The following DLGAP2 variants were observed in gnomAD, a reference collection of about 807,000 sequenced individuals.
The protein encoded by DLGAP2 is disks large-associated protein 2.
A neutral mutation model predicts 100.3 loss-of-function variants in DLGAP2; 26 were observed. The ratio of observed to expected loss-of-function variants is 0.26; its 90% CI spans 0.19 to 0.36. The LOEUF is 0.36. DLGAP2 is among the 10% of genes least tolerant of loss of function. The pLI is 1.00. For synonymous variants in DLGAP2, 886 were observed against 630.1 expected (o/e 1.41, Z -6.08); for missense variants, 1,858 against 1,453.2 (o/e 1.28, Z -4.53).
At chr8:1,640,104 A>G (rs1295705359) in intron 8 of DLGAP2, among the ~76,000 whole-genome samples, 1 of 152,182 alleles carries the variant, frequency 6.6e-6, no homozygotes, top group Admixed American at 6.5e-5. Context: ...TCTTCTCTGA[A>G]ACCGAGCCCA....
chr8:979,332 C>A (rs1229811573), intron 2 of DLGAP2, among the ~76,000 whole-genome samples: 2 of 152,228 alleles, frequency 1.3e-5, no homozygotes, highest in African/African-American at 4.8e-5. Context: ...ATGGGAATCT[C>A]AGTGGATATC....
intron 2 of DLGAP2, among the ~76,000 whole-genome samples, chr8:1,218,422 T>A (rs879314323): frequency 1.3e-5 from 2 of 152,176 alleles, no homozygotes; most frequent in East Asian, 3.8e-4. Flanking sequence ...TATTTGGGGG[T>A]TCTCTATCCC....
intron 2 of DLGAP2, among the ~76,000 whole-genome samples, chr8:1,146,790 G>T (rs192896179): frequency 3.3e-5 from 5 of 152,344 alleles, no homozygotes; most frequent in Admixed American, 3.3e-4. Flanking sequence ...GTCCTGAAGT[G>T]CAGCCTTTCA....
chr8:1,617,416 A>G (rs1422841648), intron 6 of DLGAP2, among the ~76,000 whole-genome samples: 3 of 152,174 alleles, frequency 2.0e-5, no homozygotes, highest in African/African-American at 4.8e-5. Flanking sequence ...AGTAATAGCC[A>G]TTCTGATGGG....
intron 2 of DLGAP2, among the ~76,000 whole-genome samples, chr8:1,213,516 C>T (rs112063898): frequency 2.4e-4 from 37 of 152,228 alleles, no homozygotes; most frequent in African/African-American, 8.2e-4. Flanking sequence ...GACTTTATAT[C>T]ACCCGTGTTT....
At chr8:1,312,160 A>C (rs1345576103) in intron 3 of DLGAP2, among the ~76,000 whole-genome samples, 1 of 152,220 alleles carries the variant, frequency 6.6e-6, no homozygotes, top group African/African-American at 2.4e-5. Flanking sequence ...TGGGCCAAAA[A>C]TCTAGACACA....
intron 3 of DLGAP2, among the ~76,000 whole-genome samples, chr8:1,363,339 G>A (rs1000457785): frequency 5.9e-5 from 9 of 152,072 alleles, no homozygotes; most frequent in Non-Finnish European, 2.9e-5. Flanking sequence ...GCTTGCGGCT[G>A]TCTCTCCTGC....
At chr8:832,500 C>G (rs993099097) in intron 1 of DLGAP2, among the ~76,000 whole-genome samples, 5 of 152,204 alleles carry the variant, frequency 3.3e-5, no homozygotes, top group Non-Finnish European at 5.9e-5. Context: ...TAAGTCAAGG[C>G]TCTGCTTGTC....
intron 2 of DLGAP2, among the ~76,000 whole-genome samples, chr8:932,826 A>C (rs1403980757): frequency 6.6e-6 from 1 of 152,244 alleles, no homozygotes; most frequent in African/African-American, 2.4e-5. Flanking sequence ...ATTAAAAAAA[A>C]AATTTCTTAA....
intron 3 of DLGAP2, chr8:1,300,578 C>T (rs1027147431): frequency 2.0e-5 from 3 of 152,344 alleles, no homozygotes; most frequent in Non-Finnish European, 2.9e-5. Flanking sequence ...GGTCAGCACC[C>T]AGCACAAATC....
chr8:930,937 A>C (rs2129003336), intron 2 of DLGAP2, among the ~76,000 whole-genome samples: 1 of 152,188 alleles, frequency 6.6e-6, no homozygotes, highest in South Asian at 2.1e-4. Flanking sequence ...ATGAGTGGGG[A>C]GGGAGGCAGG....
chr8:862,045 C>CTG (rs1797401950), intron 1 of DLGAP2, among the ~76,000 whole-genome samples: 1 of 152,212 alleles, frequency 6.6e-6, no homozygotes, highest in Non-Finnish European at 1.5e-5. Flanking sequence ...ATCAGTGTTT[C>CTG]TAACACAGTT....
chr8:1,359,743 T>G (rs963757256), intron 3 of DLGAP2, among the ~76,000 whole-genome samples: 3 of 152,250 alleles, frequency 2.0e-5, no homozygotes, highest in African/African-American at 7.2e-5. Context: ...AGCGTGGGAC[T>G]GTGGATATTG....
intron 3 of DLGAP2, among the ~76,000 whole-genome samples, chr8:1,346,449 C>T (rs1801558387): frequency 7.0e-6 from 1 of 143,042 alleles, no homozygotes; most frequent in Non-Finnish European, 1.5e-5. Context: ...CTGCATTGCT[C>T]TCATGGCAGC....
chr8:1,096,951 A>G (rs1168164598), intron 2 of DLGAP2, among the ~76,000 whole-genome samples: 1 of 132,380 alleles, frequency 7.6e-6, no homozygotes, highest in African/African-American at 2.9e-5. Flanking sequence ...GCAGGCCTTC[A>G]CCCTCTGTGG....
At chr8:1,092,991 C>T (rs369117169) in intron 2 of DLGAP2, among the ~76,000 whole-genome samples, 5 of 152,156 alleles carry the variant, frequency 3.3e-5, no homozygotes, top group East Asian at 1.9e-4. Context: ...GCTGCGGGTC[C>T]GAAATCCCCA....
intron 14 of DLGAP2, among the ~76,000 whole-genome samples, chr8:1,700,716 A>G (rs1009902250): frequency 1.3e-5 from 2 of 152,190 alleles, no homozygotes; most frequent in African/African-American, 2.4e-5. Flanking sequence ...CCGCACACCC[A>G]TTCACGTAAG....
In DLGAP2 at chr8:1,179,255, C is replaced by G. The variant is rs1797328395; in HGVS notation, c.74-79596C>G. Among the ~76,000 whole-genome samples, 3 of 152,218 alleles carry G rather than the reference C, an allele frequency of 2.0e-5. No homozygotes were observed. The South Asian group carries it at 6.2e-4, about 32-fold the overall frequency. ...TGGGATGGCTGAGTATTTCAGAGGC[C>G]TTAGATGCAGAGTGGGGGTGGGTGA... is the stretch of plus-strand genomic sequence containing the variant. On this transcript the variant is annotated intron_variant, in intron 2 of 14. Coordinates refer to ENST00000637795, the MANE Select transcript of DLGAP2 (RefSeq NM_001346810.2).
chr8:1,687,881 C>T (rs779535257), intron 12 of DLGAP2, among the ~76,000 whole-genome samples: 1 of 152,154 alleles, frequency 6.6e-6, no homozygotes, highest in Admixed American at 6.5e-5. Context: ...CAACGACTTA[C>T]TTAAAATAGT....
Sources: gnomAD v4.1 joint callset for allele counts (sites outside exome capture counted in the v4.1 genomes callset) on GRCh38, gnomAD v4.1.1 for gene constraint, MANE v1.5 for transcripts, NCBI Gene and HGNC (gene_info 2026-07-23, HGNC 2026-07-21) for gene names.